LRBA: variants seen among roughly 807,000 people sequenced by gnomAD.
LRBA encodes LPS responsive beige-like anchor protein, also known as lipopolysaccharide-responsive and beige-like anchor protein.
LRBA carries 176 observed loss-of-function variants against 330.0 expected under a neutral mutation model. The ratio of observed to expected loss-of-function variants is 0.53; its 90% CI spans 0.47 to 0.60. The LOEUF is 0.60. Among genes scored for constraint, LRBA ranks in the 20% least tolerant of loss-of-function variants. The probability of loss-of-function intolerance (pLI) is 0.00; values close to 1 mark genes in which losing one functional copy is unlikely to be tolerated. For missense variants in LRBA, 3,259 were observed against 3,444.8 expected, an observed-to-expected ratio of 0.95 and a Z score of 1.35; for synonymous variants, 1,230 against 1,193.0, an observed-to-expected ratio of 1.03 and a Z score of -0.64.
chr4:150,905,501 T>C (rs1374670152), intron 13 of LRBA, among the ~76,000 whole-genome samples: 1 of 152,080 alleles, frequency 6.6e-6, no homozygotes, highest in African/African-American at 2.4e-5. Context: ...AACTTTGATT[T>C]ATATTTAGTA....
intron 29 of LRBA, among the ~76,000 whole-genome samples, chr4:150,831,163 T>G (rs964714850): frequency 6.6e-6 from 1 of 152,110 alleles, no homozygotes; most frequent in South Asian, 2.1e-4. Flanking sequence ...CAATTACTCC[T>G]GGTCATTCCT....
At chr4:150,338,498 T>G (rs1277472813) in intron 48 of LRBA, among the ~76,000 whole-genome samples, 1 of 152,164 alleles carries the variant, frequency 6.6e-6, no homozygotes, top group African/African-American at 2.4e-5. Flanking sequence ...GCAAGTATCT[T>G]TCAGCCTTTG....
chr4:150,962,075 T>A (rs768704860), intron 2 of LRBA, among the ~76,000 whole-genome samples: 2 of 149,386 alleles, frequency 1.3e-5, no homozygotes, highest in Non-Finnish European at 2.9e-5. Flanking sequence ...CGCACTATGG[T>A]TTTTCTGTTT....
intron 46 of LRBA, chr4:150,423,271 C>T: frequency 1.1e-6 from 1 of 931,720 alleles, no homozygotes; most frequent in African/African-American, 1.7e-5. Context: ...CCCAGCATCT[C>T]CTGTAGGGGT....
intron 37 of LRBA, among the ~76,000 whole-genome samples, chr4:150,599,980 TA>T (rs909527243): frequency 6.6e-6 from 1 of 152,050 alleles, no homozygotes; most frequent in African/African-American, 2.4e-5. Context: ...ATGTATTTTT[TA>T]AAAAAAGGTT....
chr4:151,007,504 C>CA (rs1381377896), intron 2 of LRBA, among the ~76,000 whole-genome samples: 612 of 57,890 alleles, frequency 0.011, 3 homozygotes, highest in Admixed American at 0.018. Flanking sequence ...GACTCTGTCT[C>CA]AAAAAAAAAA....
At chr4:150,625,314 G>A (rs574024642) in intron 37 of LRBA, among the ~76,000 whole-genome samples, 1 of 152,318 alleles carries the variant, frequency 6.6e-6, no homozygotes, top group Non-Finnish European at 1.5e-5. Flanking sequence ...TGGAGGCAGT[G>A]TGGATGCCAA....
chr4:150,499,312 C>T (rs77688919), intron 40 of LRBA, among the ~76,000 whole-genome samples: 21,793 of 152,076 alleles, frequency 0.14, 1,613 homozygotes, highest in Middle Eastern at 0.18. Context: ...AAAGTTGTGA[C>T]AATAACATGC....
At chr4:150,699,748 T>C (rs1784947365) in intron 36 of LRBA, among the ~76,000 whole-genome samples, 1 of 152,220 alleles carries the variant, frequency 6.6e-6, no homozygotes, top group South Asian at 2.1e-4. Context: ...TCACATGGTT[T>C]AGTGAATGAC....
chr4:150,429,787 T>C (rs1750134736), intron 46 of LRBA, among the ~76,000 whole-genome samples: 1 of 152,150 alleles, frequency 6.6e-6, no homozygotes, highest in Non-Finnish European at 1.5e-5. Context: ...CTATATAAGA[T>C]ATAGCACTTA....
chr4:150,557,885 C>A (rs1261702557), intron 40 of LRBA, among the ~76,000 whole-genome samples: 2 of 151,960 alleles, frequency 1.3e-5, no homozygotes, highest in African/African-American at 2.4e-5. Flanking sequence ...CTGCTCTGTT[C>A]CATACTGTAC....
chr4:150,272,867 C>T (rs1746305849), intron 56 of LRBA, among the ~76,000 whole-genome samples: 1 of 152,082 alleles, frequency 6.6e-6, no homozygotes, highest in Non-Finnish European at 1.5e-5. Context: ...GAGAATGGAA[C>T]CAAGTTGGAA....
At chr4:150,719,827 A>T (rs1323785424) in intron 36 of LRBA, among the ~76,000 whole-genome samples, 1 of 152,188 alleles carries the variant, frequency 6.6e-6, no homozygotes, top group Admixed American at 6.5e-5. Flanking sequence ...AATGCGGCTG[A>T]TTCACTAAAA....
chr4:150,363,830 G>A (rs7657948), intron 47 of LRBA, among the ~76,000 whole-genome samples: 123,286 of 152,132 alleles, frequency 0.81, 51,147 homozygotes, highest in Non-Finnish European at 0.92. Flanking sequence ...CTGATTTACC[G>A]CAATTCAATG....
chr4:150,604,342 TG>T (rs1161865806), intron 37 of LRBA, among the ~76,000 whole-genome samples: 1 of 151,564 alleles, frequency 6.6e-6, no homozygotes, highest in Non-Finnish European at 1.5e-5. Context: ...AGTTGGAGGT[TG>T]CTGTGAGCTC....
chr4:150,671,000 A>ATGTGTGTGTGTGTGTGTGTG (rs57937053), intron 37 of LRBA, among the ~76,000 whole-genome samples: 1 of 106,826 alleles, frequency 9.4e-6, no homozygotes, highest in African/African-American at 3.9e-5. Context: ...AACATAGCTG[A>ATGTGTGTGTGTGTGTGTGTG]TGTGTGTGTG....
chr4:150,645,016 T>C (rs1185523171), intron 37 of LRBA, among the ~76,000 whole-genome samples: 1 of 151,778 alleles, frequency 6.6e-6, no homozygotes, highest in African/African-American at 2.4e-5. Context: ...TCACTTTTTT[T>C]TCATGGTCTT....
chr4:150,670,089 G>A (rs1781920928), intron 37 of LRBA, among the ~76,000 whole-genome samples: 1 of 151,998 alleles, frequency 6.6e-6, no homozygotes, highest in Non-Finnish European at 1.5e-5. Context: ...TAACTATCTT[G>A]TTGGGAGATA....
rs560905765 is a variant in LRBA at position 150,286,754 on chromosome 4, C to CAA, written c.8018-722_8018-721dup. 7.6e-4 allele frequency among the ~76,000 whole-genome samples: 116 copies of CAA among 152,284 alleles called. 4 individuals are homozygous for CAA. The South Asian group carries it at 0.024, about 31-fold the overall frequency. On this transcript the variant is annotated intron_variant, in intron 53 of 56. Coordinates refer to ENST00000651943, the MANE Select transcript of LRBA (RefSeq NM_001364905.1). ...TGGCAGATATTGCCGAATACTTTCA[C>CAA]AACTTGAAAGAACAAGTCATCCTGT...
Sources: allele counts gnomAD v4.1 joint callset (sites outside exome capture counted in the v4.1 genomes callset), GRCh38; gene constraint gnomAD v4.1.1; transcripts MANE v1.5; gene names NCBI Gene and HGNC (gene_info 2026-07-23, HGNC 2026-07-21).